Variants in CHRNA7 observed in about 807,000 individuals in gnomAD.
CHRNA7 encodes neuronal acetylcholine receptor subunit alpha-7.
CHRNA7 carries 17 observed loss-of-function variants against 48.0 expected under a neutral mutation model. That is an observed-to-expected ratio of 0.35 (90% CI 0.24 to 0.53). CHRNA7 has a LOEUF of 0.53. CHRNA7 is among the 20% of genes least tolerant of loss of function. The pLI, the probability that CHRNA7 is intolerant of heterozygous loss-of-function variation, is 0.92. For synonymous variants in CHRNA7, 75 were observed against 242.3 expected, an observed-to-expected ratio of 0.31 and a Z score of 6.41; for missense variants, 155 against 577.7, an observed-to-expected ratio of 0.27 and a Z score of 7.50.
At chr15:32,048,200 A>AG (rs1362977907) in intron 2 of CHRNA7, among the ~76,000 whole-genome samples, 1 of 152,120 alleles carries the variant, frequency 6.6e-6, no homozygotes, top group Non-Finnish European at 1.5e-5. Flanking sequence ...TGAGTTAGGG[A>AG]GATTCCCTCT....
intron 2 of CHRNA7, among the ~76,000 whole-genome samples, chr15:32,070,469 T>C (rs1309472090): frequency 6.6e-6 from 1 of 152,138 alleles, no homozygotes; most frequent in Non-Finnish European, 1.5e-5. Context: ...AAAAAGTTTT[T>C]AATTTTCATA....
intron 2 of CHRNA7, among the ~76,000 whole-genome samples, chr15:32,039,632 A>G (rs1023416323): frequency 6.6e-6 from 1 of 152,078 alleles, no homozygotes; most frequent in East Asian, 1.9e-4. Flanking sequence ...GGCAATGTGT[A>G]ATTTCTATTC....
chr15:32,036,129 G>C, intron 2 of CHRNA7, among the ~76,000 whole-genome samples: 1 of 152,312 alleles, frequency 6.6e-6, no homozygotes, highest in East Asian at 1.9e-4. Context: ...CTGACCTTTT[G>C]TTGTCTCCAT....
intron 8 of CHRNA7, chr15:32,161,662 GGCTGCACCCTCAGGACCTGTT>G (rs2141393839): frequency 1.4e-5 from 2 of 139,260 alleles, no homozygotes; most frequent in South Asian, 4.6e-4. Context: ...CATTCATGAG[GGCTGCACCCTCAGGACCTGTT>G]GAAGGCCCCT....
intron 4 of CHRNA7, among the ~76,000 whole-genome samples, chr15:32,131,403 G>A (rs78215228): frequency 0.023 from 3,466 of 151,260 alleles, 89 homozygotes; most frequent in Non-Finnish European, 0.032. Context: ...TGCTCCGATT[G>A]CATAATTTCT....
At chr15:32,158,299 TTTAGCACTTTGCAAAC>T (rs2051791751) in intron 6 of CHRNA7, 97 bp from the exon 7 acceptor site, 2 of 838,490 alleles carry the variant, frequency 2.4e-6, no homozygotes, top group African/African-American at 5.6e-5. Flanking sequence ...CTTTTTTTTT[TTTAGCACTTTGCAAAC>T]TTTAGGACTG....
chr15:32,074,189 CACTT>C (rs1470804053), intron 2 of CHRNA7, among the ~76,000 whole-genome samples: 6 of 151,334 alleles, frequency 4.0e-5, no homozygotes, highest in Non-Finnish European at 8.8e-5. Flanking sequence ...TTGCTAAACT[CACTT>C]ATTCTGTTTT....
Position 32,109,854 on chromosome 15 carries a change from G to A in CHRNA7, c.241-1936G>A, listed in dbSNP as rs1444038511. 5.9e-5 allele frequency among the ~76,000 whole-genome samples: 9 copies of A among 152,316 alleles called. No homozygotes were observed. In the East Asian group the frequency reaches 1.5e-3, roughly 26 times the overall value. On this transcript the variant is annotated intron_variant, in intron 3 of 9. Transcript: ENST00000306901. ...GGGAGGGGATGAGCCCGTGGTTTACGCAGTGGGGTGTGCGGGGTGTGGGGA... is the reference window on the plus strand; with the variant it reads ...GGGAGGGGATGAGCCCGTGGTTTACACAGTGGGGTGTGCGGGGTGTGGGGA...
chr15:32,141,246 A>T (rs1330695314), intron 4 of CHRNA7, among the ~76,000 whole-genome samples: 1 of 152,010 alleles, frequency 6.6e-6, no homozygotes, highest in African/African-American at 2.4e-5. Context: ...GTGTGGTGTT[A>T]TTTCTGAGGC....
chr15:32,049,683 G>C (rs1394739172), intron 2 of CHRNA7, among the ~76,000 whole-genome samples: 8 of 152,290 alleles, frequency 5.3e-5, no homozygotes, highest in South Asian at 2.1e-4. Context: ...ATTTGATCCT[G>C]TCATTATGAT....
At chr15:32,031,151 C>T (rs1901819860) in intron 2 of CHRNA7, 114 bp downstream of exon 2, 2 of 1,290,128 alleles carry the variant, frequency 1.6e-6, no homozygotes, top group African/African-American at 2.9e-5. Flanking sequence ...TCTAGTTGGC[C>T]CCAAGCTAGG....
At chr15:32,042,385 T>C (rs2049465056) in intron 2 of CHRNA7, among the ~76,000 whole-genome samples, 1 of 152,156 alleles carries the variant, frequency 6.6e-6, no homozygotes, top group Admixed American at 6.5e-5. Flanking sequence ...TGGCAGGCCT[T>C]ATTAAAAACA....
chr15:32,093,516 A>G (rs1307673875), intron 2 of CHRNA7, among the ~76,000 whole-genome samples: 1 of 152,190 alleles, frequency 6.6e-6, no homozygotes, highest in African/African-American at 2.4e-5. Flanking sequence ...ATTCCTGCAC[A>G]CACAGGCAGC....
chr15:32,051,822 A>G (rs562883168), intron 2 of CHRNA7, among the ~76,000 whole-genome samples: 2 of 152,266 alleles, frequency 1.3e-5, no homozygotes, highest in East Asian at 1.9e-4. Context: ...TATTACAGGC[A>G]TGCACCACCA....
intron 2 of CHRNA7, among the ~76,000 whole-genome samples, chr15:32,069,124 A>G (rs2050013657): frequency 6.6e-6 from 1 of 152,238 alleles, no homozygotes; most frequent in South Asian, 2.1e-4. Flanking sequence ...CATTAGGCTT[A>G]AATTAGACCT....
At chr15:32,086,988 A>G (rs1243475549) in intron 2 of CHRNA7, among the ~76,000 whole-genome samples, 1 of 152,078 alleles carries the variant, frequency 6.6e-6, no homozygotes, top group Non-Finnish European at 1.5e-5. Context: ...CTATTTATAT[A>G]CTGTACTCTT....
In CHRNA7 at chr15:32,169,262, C is replaced by CAGGACAAATAA. The variant is rs2052345201; in HGVS notation, c.*805_*815dup. The CAGGACAAATAA allele has an allele frequency of 6.9e-6, 1 of 145,668 alleles. No individual in the cohort carries two copies. The highest frequency in any genetic ancestry group is 2.6e-5 in the African/African-American group (1 of 38,776). 9.0% of individuals were successfully genotyped at this position (145,668 alleles called of 1,614,324 possible). On this transcript the variant is annotated 3_prime_UTR_variant, in exon 10 of 10. Transcript: ENST00000306901. ...AATCTGTTCTATTCTGCAGAACCCA[C>CAGGACAAATAA]AGGACAAATAAGAGTTCTACTAGAA...
Position 32,111,917 on chromosome 15 carries a change from AG to A in CHRNA7, c.350+20del. On this transcript the variant is annotated intron_variant, in intron 4 of 9. Coordinates refer to ENST00000306901, the MANE Select transcript of CHRNA7 (RefSeq NM_000746.6). ...TATAACAGGTAAGCATATTGAACAA[AG>A]GAAAAAAATGATTTTATGCTTGCAT... The A allele has an allele frequency of 6.9e-7, 1 of 1,439,302 alleles. No homozygotes were observed. The highest frequency in any genetic ancestry group is 1.7e-4 in the Middle Eastern group (1 of 5,746). The allele number at this position is 1,439,302 out of a possible 1,614,324, so 89.2% of individuals were successfully genotyped here. A position where few individuals can be genotyped will look rare whatever the true frequency, so the allele number is the denominator to read the frequency against.
At chr15:32,141,901 A>G (rs2051386523) in intron 4 of CHRNA7, among the ~76,000 whole-genome samples, 1 of 152,192 alleles carries the variant, frequency 6.6e-6, no homozygotes. Flanking sequence ...TCCTATTTGA[A>G]TACCCTTTAT....
Sources: allele counts gnomAD v4.1 joint callset (sites outside exome capture counted in the v4.1 genomes callset), GRCh38; gene constraint gnomAD v4.1.1; transcripts MANE v1.5; gene names NCBI Gene and HGNC (gene_info 2026-07-23, HGNC 2026-07-21).